The following DSG2 variants were observed in gnomAD, a reference collection of about 807,000 sequenced individuals.
DSG2 encodes the protein desmoglein-2.
A neutral mutation model predicts 75.6 loss-of-function variants in DSG2; 45 were observed. That is an observed-to-expected ratio of 0.60 (90% CI 0.47 to 0.76). The LOEUF is 0.76. Among genes scored for constraint, DSG2 ranks in the 30% least tolerant of loss-of-function variants. DSG2 has a pLI of 0.00. For missense variants in DSG2, 1,267 were observed against 1,357.4 expected (o/e 0.93, Z 1.05); for synonymous variants, 429 against 483.9 (o/e 0.89, Z 1.49).
At chr18:31,507,435 A>G (rs2073044738) in intron 1 of DSG2, among the ~76,000 whole-genome samples, 1 of 152,214 alleles carries the variant, frequency 6.6e-6, no homozygotes, top group Non-Finnish European at 1.5e-5. Context: ...TCTTATGGGT[A>G]TATACCCAGT....
intron 8 of DSG2, among the ~76,000 whole-genome samples, chr18:31,530,350 A>G (rs2073187342): frequency 1.3e-5 from 2 of 152,332 alleles, no homozygotes; most frequent in East Asian, 3.9e-4. Flanking sequence ...CTGAATGCCC[A>G]CTAATTTTTT....
chr18:31,520,445 A>C (rs2073121222), intron 3 of DSG2, among the ~76,000 whole-genome samples: 1 of 152,180 alleles, frequency 6.6e-6, no homozygotes, highest in South Asian at 2.1e-4. Flanking sequence ...GTTGGCATGC[A>C]CAAACATAAA....
rs1218637938 is a variant in DSG2 at position 31,519,951 on chromosome 18, A to T, written c.216+14A>T. On this transcript the variant is annotated intron_variant, in intron 3 of 14. Transcript: ENST00000261590. Reference sequence around the variant, plus strand: ...CCAATTGCCAAGGTACCTCCTAAAGAGGAACATGAAATACATGCATATGAC... The same window carrying T: ...CCAATTGCCAAGGTACCTCCTAAAGTGGAACATGAAATACATGCATATGAC... 1 of 1,614,176 alleles carries T rather than the reference A, an allele frequency of 6.2e-7. No individual in the cohort carries two copies. The highest frequency in any genetic ancestry group is 1.1e-5 in the South Asian group (1 of 91,080).
chr18:31,515,544 C>G (rs938499878), intron 1 of DSG2, among the ~76,000 whole-genome samples: 1 of 152,218 alleles, frequency 6.6e-6, no homozygotes, highest in Admixed American at 6.5e-5. Context: ...ATTGCTTTCC[C>G]TTGCTTTTCA....
Position 31,519,788 on chromosome 18 carries a change from A to AT in DSG2, c.82-13dup. The AT allele has an allele frequency of 1.9e-6, 3 of 1,613,488 alleles. No individual in the cohort carries two copies. Among genetic ancestry groups the AT allele is most frequent in the Non-Finnish European group, 2.5e-6 (3 of 1,179,382 alleles). Reference sequence around the variant, plus strand: ...ATGACACATAATAAATTTTGGCAATATTCTATTGTTATAGGTCTTAAGCAC... The same window carrying AT: ...ATGACACATAATAAATTTTGGCAATATTTCTATTGTTATAGGTCTTAAGCAC... On this transcript the variant is annotated splice_polypyrimidine_tract_variant and intron_variant, in intron 2 of 14. Coordinates refer to ENST00000261590, the MANE Select transcript of DSG2 (RefSeq NM_001943.5).
At chr18:31,511,953 G>A (rs145437835) in intron 1 of DSG2, among the ~76,000 whole-genome samples, 356 of 152,218 alleles carry the variant, frequency 2.3e-3, no homozygotes, top group African/African-American at 8.2e-3. Context: ...CTCCCTAGAT[G>A]CTCAGCAATT....
chr18:31,512,677 G>C (rs2073073590), intron 1 of DSG2, among the ~76,000 whole-genome samples: 1 of 152,222 alleles, frequency 6.6e-6, no homozygotes, highest in South Asian at 2.1e-4. Flanking sequence ...ACCACCGCAT[G>C]GCCTGGGCGT....
intron 9 of DSG2, among the ~76,000 whole-genome samples, chr18:31,534,691 G>A (rs113198920): frequency 0.014 from 2,148 of 151,928 alleles, 58 homozygotes; most frequent in African/African-American, 0.049. Flanking sequence ...TGTGTTTTTA[G>A]TAGAGACGGG....
In DSG2 at chr18:31,536,244, T is replaced by C. The variant is rs748619993; in HGVS notation, c.1466T>C (p.Val489Ala). ...ATCACTGGCACAGTCCTTATCAATG[T>C]TGAAGACATCAACGACAACTGTCCC... is the stretch of plus-strand genomic sequence containing the variant. Reference protein sequence around the residue: ...KTITGTVLINVEDINDNCPTL... With the variant: ...KTITGTVLINAEDINDNCPTL... The change falls in exon 11 of 15, where the codon GTT becomes GCT. Residue 489 changes from valine (V) to alanine (A), a missense_variant. Val to Ala is a moderately conservative substitution (Grantham distance 64). Transcript: ENST00000261590. The C allele has an allele frequency of 2.5e-6, 4 of 1,614,110 alleles. No homozygotes were observed. The highest frequency in any genetic ancestry group is 3.4e-6 in the Non-Finnish European group (4 of 1,180,050).
In DSG2 at chr18:31,542,325, T is replaced by C. The variant is rs539099765; in HGVS notation, c.2002-195T>C. 346 of 645,572 alleles carry C rather than the reference T, an allele frequency of 5.4e-4. 1 individual carries two copies. Among genetic ancestry groups the C allele is most frequent in the African/African-American group, 4.8e-3 (267 of 55,200 alleles). 40.0% of individuals were successfully genotyped at this position (645,572 alleles called of 1,614,324 possible). On this transcript the variant is annotated intron_variant, in intron 13 of 14. Transcript: ENST00000261590. The stretch of plus-strand genomic sequence containing the variant: ...TTTCTCTTTGGGTTCTATCCACCTA[T>C]AAAACAAGAAGAGAGAAGAAAGGAG...
intron 6 of DSG2, 92 bp from the exon 7 acceptor site, chr18:31,524,356 A>G (rs2073147783): frequency 2.7e-6 from 4 of 1,499,942 alleles, no homozygotes; most frequent in Non-Finnish European, 3.7e-6. Context: ...AATAAAATAT[A>G]CTGTGGTACG....
At chr18:31,522,525 AT>A (rs1274143058) in intron 6 of DSG2, 4 of 266,220 alleles carry the variant, frequency 1.5e-5, no homozygotes, top group Non-Finnish European at 2.2e-5. Context: ...AATGCAAAAT[AT>A]GACCTTAATG....
At chr18:31,536,837 T>TG (rs1567930972) in intron 11 of DSG2, among the ~76,000 whole-genome samples, 2 of 152,234 alleles carry the variant, frequency 1.3e-5, no homozygotes, top group Non-Finnish European at 2.9e-5. Context: ...CCATATTTAA[T>TG]CCTTCCTTCA....
intron 3 of DSG2, 40 bp from the exon 4 acceptor site, chr18:31,520,763 G>A (rs1314329591): frequency 6.2e-7 from 1 of 1,604,238 alleles, no homozygotes; most frequent in Admixed American, 1.7e-5. Flanking sequence ...GTAAATTACA[G>A]AGAGTTCAAC....
At chr18:31,516,934 A>G (rs1403178740) in intron 1 of DSG2, among the ~76,000 whole-genome samples, 1 of 152,224 alleles carries the variant, frequency 6.6e-6, no homozygotes, top group East Asian at 1.9e-4. Context: ...CCAAATGGGT[A>G]GCCCTTAGCA....
At chr18:31,506,298 A>G (rs1217245511) in intron 1 of DSG2, among the ~76,000 whole-genome samples, 1 of 152,206 alleles carries the variant, frequency 6.6e-6, no homozygotes, top group East Asian at 1.9e-4. Flanking sequence ...CTAGATAATT[A>G]ATTTCACTGC....
intron 1 of DSG2, among the ~76,000 whole-genome samples, chr18:31,512,937 T>G (rs1257662468): frequency 6.6e-6 from 1 of 152,220 alleles, no homozygotes; most frequent in Non-Finnish European, 1.5e-5. Flanking sequence ...GGGTATGAAT[T>G]AATTCAAACT....
At position 31,530,987 on chromosome 18, in the gene DSG2, G is replaced by A; in HGVS notation, c.1015G>A (p.Glu339Lys). The change falls in exon 9 of 15, where the codon GAA becomes AAA. Residue 339 changes from glutamate to lysine, a missense_variant and splice_region_variant. Glu to Lys is a moderately conservative substitution (Grantham distance 56). Coordinates refer to ENST00000261590, the MANE Select transcript of DSG2 (RefSeq NM_001943.5). ...AATTCCCTTTGGTTTTCCCTTTCAG[G>A]AAGTAGATTATGAAGAAATGAAGAA... ...TNEGIVTLIK[E>K]VDYEEMKNLD... The A allele has an allele frequency of 6.2e-7, 1 of 1,613,752 alleles. No individual in the cohort carries two copies. Among genetic ancestry groups the A allele is most frequent in the African/African-American group, 1.3e-5 (1 of 75,000 alleles).
chr18:31,537,876 A>G (rs942920762), intron 11 of DSG2, among the ~76,000 whole-genome samples: 8 of 151,706 alleles, frequency 5.3e-5, no homozygotes, highest in Admixed American at 2.0e-4. Flanking sequence ...GGTGGTGGGC[A>G]CCTGTAATCC....
Sources: allele counts gnomAD v4.1 joint callset (sites outside exome capture counted in the v4.1 genomes callset), GRCh38; gene constraint gnomAD v4.1.1; transcripts MANE v1.5; gene names NCBI Gene and HGNC (gene_info 2026-07-23, HGNC 2026-07-21).